HTRA4: variants seen among roughly 807,000 people sequenced by gnomAD.
The protein encoded by HTRA4 is HtrA serine peptidase 4, also known as serine protease HTRA4.
Under a neutral mutation model 49.1 loss-of-function variants are expected in HTRA4, and 46 were observed. The ratio of observed to expected loss-of-function variants is 0.94; its 90% CI spans 0.74 to 1.20. The LOEUF (loss-of-function observed/expected upper bound fraction) is 1.20. Ranked by LOEUF, HTRA4 falls within the 50% of genes most tolerant of loss-of-function variation. The pLI is 0.00. For synonymous variants in HTRA4, 261 were observed against 264.0 expected (o/e 0.99, Z 0.11); for missense variants, 602 against 636.9 (o/e 0.95, Z 0.59).
intron 5 of HTRA4, 147 bp downstream of exon 5, chr8:38,979,394 G>T: frequency 1.4e-6 from 1 of 740,660 alleles, no homozygotes; most frequent in Non-Finnish European, 2.4e-6. Flanking sequence ...ACTAGCCTGG[G>T]CAAGACAGCA....
chr8:38,988,252 C>G lies in HTRA4; in HGVS notation c.*154C>G. On this transcript the variant is annotated 3_prime_UTR_variant, in exon 9 of 9. Coordinates refer to ENST00000302495, the MANE Select transcript of HTRA4 (RefSeq NM_153692.4). ...TATCAACCCAAATGCCCATCAATGA[C>G]AGACTGGATAAAGCAAATGTGGTAC... The G allele has an allele frequency of 3.1e-6, 2 of 642,500 alleles. No individual in the cohort carries two copies. Among genetic ancestry groups the G allele is most frequent in the Non-Finnish European group, 5.1e-6 (2 of 388,704 alleles). 39.8% of individuals were successfully genotyped at this position (642,500 alleles called of 1,614,324 possible). A position where few individuals can be genotyped will look rare whatever the true frequency, so the allele number is the denominator to read the frequency against.
Position 38,981,751 on chromosome 8 carries a change from T to C in HTRA4, c.1098T>C (p.His366=). 5 of 1,612,018 alleles carry C rather than the reference T, an allele frequency of 3.1e-6. No homozygotes were observed. The highest frequency in any genetic ancestry group is 1.1e-5 in the South Asian group (1 of 90,776). The change falls in exon 6 of 9, where the codon CAT becomes CAC. Residue 366 remains histidine (H), a synonymous_variant. Coordinates refer to ENST00000302495, the MANE Select transcript of HTRA4 (RefSeq NM_153692.4). ...TTAGGCAGTTCTTGGCAGAATACCA[T>C]GAGCACCAGATGAAAGGTAAAGCAA... is the stretch of plus-strand genomic sequence containing the variant. ...DRVRQFLAEY[H]EHQMKGKAFS... is the part of the protein sequence containing the mutation.
At position 38,988,042 on chromosome 8, in the gene HTRA4, GTTC is replaced by G; in HGVS notation, c.1379_1381del (p.Leu460del). Reference sequence around the variant, plus strand: ...TGACAGTGATTCCCTTTCCATGGCTGTTCTTCGGGGAAAAGATAATTTGCTCCT... The same window carrying G: ...TGACAGTGATTCCCTTTCCATGGCTGTTCGGGGAAAAGATAATTTGCTCCT... On this transcript the variant is annotated inframe_deletion, in exon 9 of 9. Transcript: ENST00000302495. 1 of 1,611,328 alleles carries G rather than the reference GTTC, an allele frequency of 6.2e-7. No homozygotes were observed. Among genetic ancestry groups the G allele is most frequent in the Non-Finnish European group, 8.5e-7 (1 of 1,179,208 alleles).
intron 4 of HTRA4, among the ~76,000 whole-genome samples, chr8:38,978,923 G>A (rs923163226): frequency 4.6e-5 from 7 of 151,514 alleles, no homozygotes; most frequent in Admixed American, 1.3e-4. Context: ...TGAACCGGGA[G>A]GCAGAGGTTG....
chr8:38,977,275 T>TC (rs1208875047), intron 3 of HTRA4, among the ~76,000 whole-genome samples: 2 of 151,808 alleles, frequency 1.3e-5, no homozygotes, highest in Non-Finnish European at 2.9e-5. Flanking sequence ...TCTTTTTTTT[T>TC]TTTTTTTCCT....
intron 7 of HTRA4, 107 bp downstream of exon 7, chr8:38,982,662 T>C: frequency 3.0e-6 from 3 of 1,009,238 alleles, no homozygotes; most frequent in Non-Finnish European, 4.7e-6. Flanking sequence ...CAGGTACTCT[T>C]GTGACCATAG....
intron 1 of HTRA4, 80 bp from the exon 2 acceptor site, chr8:38,974,951 C>A: frequency 1.3e-6 from 2 of 1,532,366 alleles, no homozygotes. Flanking sequence ...TGAACACTGT[C>A]TTGCCTTTAA....
chr8:38,979,092 G>A (rs1835388451), intron 4 of HTRA4, 123 bp from the exon 5 acceptor site: 9 of 881,044 alleles, frequency 1.0e-5, no homozygotes, highest in East Asian at 2.4e-5. Context: ...AATTTTGCCG[G>A]CCTGGGGGGA....
Position 38,976,585 on chromosome 8 carries a change from T to C in HTRA4, c.617T>C (p.Ile206Thr). The C allele has an allele frequency of 6.2e-7, 1 of 1,614,154 alleles. No individual in the cohort carries two copies. The highest frequency in any genetic ancestry group is 8.5e-7 in the Non-Finnish European group (1 of 1,180,030). The change falls in exon 3 of 9, where the codon ATA (isoleucine) becomes ACA (threonine). Residue 206 changes from isoleucine to threonine, a missense_variant. Coordinates refer to ENST00000302495, the MANE Select transcript of HTRA4 (RefSeq NM_153692.4). The part of the protein sequence containing the change: ...LVPVYSGSGF[I>T]VSEDGLIITN... The stretch of plus-strand genomic sequence containing the variant: ...CCTGTGTACAGTGGCTCTGGGTTCA[T>C]AGTGTCTGAGGACGGGCTCATTATT...
At chr8:38,976,998 C>T (rs1835359580) in intron 3 of HTRA4, among the ~76,000 whole-genome samples, 2 of 152,100 alleles carry the variant, frequency 1.3e-5, no homozygotes. Context: ...TACAGTGGCT[C>T]AATCTCAGCT....
intron 8 of HTRA4, among the ~76,000 whole-genome samples, chr8:38,985,439 G>A (rs1033370535): frequency 1.3e-5 from 2 of 152,184 alleles, no homozygotes; most frequent in Admixed American, 6.5e-5. Context: ...GATTACAGGC[G>A]TGAGCCACCG....
Position 38,982,551 on chromosome 8 carries a change from G to A in HTRA4, c.1168G>A (p.Val390Met). 5 of 1,614,128 alleles carry A rather than the reference G, an allele frequency of 3.1e-6. No homozygotes were observed. The highest frequency in any genetic ancestry group is 1.1e-5 in the South Asian group (1 of 91,076). ...YLGLQMLSLT[V>M]PLSEELKMHY... Reference sequence around the variant, plus strand: ...GGGTCTGCAAATGCTGTCCCTCACTGTGCCGTAAGCATGTGTTTGAATATG... The same window carrying A: ...GGGTCTGCAAATGCTGTCCCTCACTATGCCGTAAGCATGTGTTTGAATATG... The change falls in exon 7 of 9, where the codon GTG becomes ATG. Residue 390 changes from valine (V) to methionine (M), a missense_variant. Val to Met is a conservative substitution (Grantham distance 21, BLOSUM62 1). Transcript: ENST00000302495.
chr8:38,978,219 C>T, intron 4 of HTRA4, 72 bp downstream of exon 4: 1 of 1,312,632 alleles, frequency 7.6e-7, no homozygotes, highest in Non-Finnish European at 1.0e-6. Flanking sequence ...CTGTTAGGAA[C>T]TGGGCCGCAC....
intron 8 of HTRA4, among the ~76,000 whole-genome samples, chr8:38,984,277 AG>A (rs1835458418): frequency 6.6e-6 from 1 of 151,796 alleles, no homozygotes; most frequent in Admixed American, 6.6e-5. Flanking sequence ...CTGGGATTAC[AG>A]GCATGAGCCA....
chr8:38,981,073 T>TTTTTTTTTTG (rs1835414400), intron 5 of HTRA4, among the ~76,000 whole-genome samples: 4 of 45,554 alleles, frequency 8.8e-5, no homozygotes, highest in Admixed American at 2.4e-4. Flanking sequence ...GTTTTTTTTT[T>TTTTTTTTTTG]TTTTTTTTTT....
Position 38,983,083 on chromosome 8 carries a change from G to A in HTRA4, c.1268+35G>A, listed in dbSNP as rs370207714. The A allele has an allele frequency of 2.1e-4, 293 of 1,426,888 alleles. 1 individual carries two copies. The highest frequency in any genetic ancestry group is 8.8e-4 in the Middle Eastern group (5 of 5,696). The allele number at this position is 1,426,888 out of a possible 1,614,324, so 88.4% of individuals were successfully genotyped here. ...GTGAAGGCCTTTGTCATCTACCTTT[G>A]CTTTTTCTAAATGTGTGCCATGGTA... On this transcript the variant is annotated intron_variant, in intron 8 of 8. Coordinates refer to ENST00000302495, the MANE Select transcript of HTRA4 (RefSeq NM_153692.4).
Position 38,983,050 on chromosome 8 carries a change from T to C in HTRA4, c.1268+2T>C. On this transcript the variant is annotated splice_donor_variant, in intron 8 of 8. Coordinates refer to ENST00000302495, the MANE Select transcript of HTRA4 (RefSeq NM_153692.4). LOFTEE classifies it high-confidence loss of function. ...GGTTGAAGGAACAGCTGCTCAAAGG[T>C]AAGAGAAGTGAAGGCCTTTGTCATC... 1 of 1,604,032 alleles carries C rather than the reference T, an allele frequency of 6.2e-7. No homozygotes were observed. Among genetic ancestry groups the C allele is most frequent in the Non-Finnish European group, 8.5e-7 (1 of 1,171,814 alleles).
chr8:38,978,044 A>T lies in HTRA4; in HGVS notation c.863A>T (p.Asn288Ile). Residue 288 changes from asparagine to isoleucine, a missense_variant, in exon 4 of 9, where the codon AAC becomes ATC. By Grantham distance (149) the Asn-to-Ile change is moderately radical. Coordinates refer to ENST00000302495, the MANE Select transcript of HTRA4 (RefSeq NM_153692.4). The stretch of plus-strand genomic sequence containing the variant: ...TTGGGCAGCCCATTTTCTCTGCAGA[A>T]CACAGCTACTGCAGGAATTGTCAGC... The part of the protein sequence containing the change: ...VALGSPFSLQ[N>I]TATAGIVSTK... 6.2e-7 allele frequency: 1 copy of T among 1,614,208 alleles called. No individual in the cohort carries two copies. Among genetic ancestry groups the T allele is most frequent in the South Asian group, 1.1e-5 (1 of 91,080 alleles).
At chr8:38,987,334 C>G (rs1220711206) in intron 8 of HTRA4, among the ~76,000 whole-genome samples, 1 of 152,068 alleles carries the variant, frequency 6.6e-6, no homozygotes, top group Non-Finnish European at 1.5e-5. Context: ...GCAATAAAGT[C>G]ACAACTTTGG....
Sources: gnomAD v4.1 joint callset for allele counts (sites outside exome capture counted in the v4.1 genomes callset) on GRCh38, gnomAD v4.1.1 for gene constraint, MANE v1.5 for transcripts, NCBI Gene and HGNC (gene_info 2026-07-23, HGNC 2026-07-21) for gene names.